SBK1: variants seen among roughly 807,000 people sequenced by gnomAD.
SBK1 encodes the protein serine/threonine-protein kinase SBK1.
SBK1 carries 11 observed loss-of-function variants against 24.4 expected under a neutral mutation model. The ratio of observed to expected loss-of-function variants is 0.45; its 90% CI spans 0.28 to 0.75. SBK1 has a LOEUF of 0.75. Ranked by LOEUF, SBK1 falls within the 30% of genes least tolerant of loss-of-function variation. The pLI is 0.12. For missense variants in SBK1, 467 were observed against 620.5 expected (o/e 0.75, Z 2.63); for synonymous variants, 308 against 284.4 (o/e 1.08, Z -0.83).
At chr16:28,285,277 C>T (rs533661990) in intron 1 of SBK1, 12 of 152,146 alleles carry the variant, frequency 7.9e-5, no homozygotes, top group African/African-American at 2.2e-4. Context: ...AAGATAGGGC[C>T]GGGCTTGGTA....
rs1269430411 is a variant in SBK1 at position 28,259,949 on chromosome 16, T to C, written c.257+447T>C. On this transcript the variant is annotated intron_variant, in intron 1 of 3. Transcript: ENST00000671413. This position sits in a 1 kb window ranked among gnomAD's most constrained non-coding sequence, Gnocchi z 6.0. The stretch of plus-strand genomic sequence containing the variant: ...CAGGCCCAGCTGCAACGCTTCCTCC[T>C]TCAGGAAGCCCTCCTGGATGTCCCT... Among the ~76,000 whole-genome samples, 1 of 152,128 alleles carries C rather than the reference T, an allele frequency of 6.6e-6. No individual in the cohort carries two copies. The highest frequency in any genetic ancestry group is 1.5e-5 in the Non-Finnish European group (1 of 68,018).
At chr16:28,267,327 T>C (rs1026295830) in intron 1 of SBK1, among the ~76,000 whole-genome samples, 2 of 152,238 alleles carry the variant, frequency 1.3e-5, no homozygotes, top group Non-Finnish European at 2.9e-5. Flanking sequence ...CCCAAAGTGT[T>C]GGGATTACAG....
intron 1 of SBK1, among the ~76,000 whole-genome samples, chr16:28,284,547 C>T (rs1333454597): frequency 6.6e-6 from 1 of 152,226 alleles, no homozygotes; most frequent in African/African-American, 2.4e-5. Flanking sequence ...GTCAGGGTGG[C>T]GGGGCCCAGG....
At position 28,292,804 on chromosome 16, in the gene SBK1, C is replaced by A; in HGVS notation, c.-504C>A. The A allele has an allele frequency of 1.0e-6, 1 of 985,424 alleles. No homozygotes were observed. Among genetic ancestry groups the A allele is most frequent in the Non-Finnish European group, 1.2e-6 (1 of 829,900 alleles). The allele number at this position is 985,424 out of a possible 1,614,324, so 61.0% of individuals were successfully genotyped here. A position where few individuals can be genotyped will look rare whatever the true frequency, so the allele number is the denominator to read the frequency against. ...AGCCTCGGGGAAGAGGGGGGGCCCT[C>A]CCGGATCCGACACCGAGCGACTCCC... is the stretch of plus-strand genomic sequence containing the variant. On this transcript the variant is annotated 5_prime_UTR_variant, in exon 1 of 4. Coordinates refer to ENST00000341901, the MANE Select transcript of SBK1 (RefSeq NM_001024401.3).
chr16:28,313,293 TA>T (rs904670579), intron 1 of SBK1, among the ~76,000 whole-genome samples: 3 of 151,220 alleles, frequency 2.0e-5, no homozygotes, highest in East Asian at 3.9e-4. Flanking sequence ...AGACCCTGTT[TA>T]AAAAAAATTT....
At chr16:28,272,193 C>T (rs1456112784) in intron 1 of SBK1, among the ~76,000 whole-genome samples, 1 of 152,130 alleles carries the variant, frequency 6.6e-6, no homozygotes, top group Non-Finnish European at 1.5e-5. Context: ...CCTCAGCCTC[C>T]AGAGTAGCTG....
intron 1 of SBK1, among the ~76,000 whole-genome samples, chr16:28,314,073 G>A (rs2044773716): frequency 6.6e-6 from 1 of 151,674 alleles, no homozygotes; most frequent in Non-Finnish European, 1.5e-5. Flanking sequence ...AGGGCTTCAC[G>A]CCTGTTAACT....
chr16:28,320,551 G>T lies in SBK1; in HGVS notation c.905G>T (p.Arg302Leu). The change falls in exon 4 of 4, where the codon CGC (arginine) becomes CTC (leucine). Residue 302 changes from arginine (R) to leucine (L), a missense_variant. Around this residue, in one of 4 missense-constraint regions of SBK1, gnomAD observed 86 missense variants for 121.7 expected, o/e 0.71. Coordinates refer to ENST00000341901, the MANE Select transcript of SBK1 (RefSeq NM_001024401.3). This position sits in a 1 kb window ranked among gnomAD's most constrained non-coding sequence, Gnocchi z 8.5. ...FQRLLALEPE[R>L]RGPAKEVFRF... is the part of the protein sequence containing the mutation. ...CGCTTACTGGCCCTGGAGCCCGAGC[G>T]CCGCGGCCCAGCCAAGGAGGTGTTC... 1 of 1,553,118 alleles carries T rather than the reference G, an allele frequency of 6.4e-7. No homozygotes were observed.
intron 1 of SBK1, among the ~76,000 whole-genome samples, chr16:28,274,567 G>A (rs1054116348): frequency 2.6e-5 from 4 of 152,092 alleles, no homozygotes; most frequent in East Asian, 3.9e-4. Context: ...CAGGAGAATC[G>A]CTTGAACCCA....
In SBK1 at chr16:28,305,473, A is replaced by G. The variant is rs568285491; in HGVS notation, c.-7-11912A>G. Among the ~76,000 whole-genome samples the G allele has an allele frequency of 1.4e-3, 214 of 151,536 alleles. 3 individuals carry two copies. The highest frequency in any genetic ancestry group is 4.2e-3 in the African/African-American group (175 of 41,286). ...GTGATCCGCCTGCCTCGGCCTCCCAAAGTGCTGGGATTACAGGTGTGAGCC... is the reference window on the plus strand; with the variant it reads ...GTGATCCGCCTGCCTCGGCCTCCCAGAGTGCTGGGATTACAGGTGTGAGCC... On this transcript the variant is annotated intron_variant, in intron 1 of 3. Transcript: ENST00000341901.
chr16:28,282,057 C>T (rs2044536198), intron 1 of SBK1, among the ~76,000 whole-genome samples: 1 of 152,126 alleles, frequency 6.6e-6, no homozygotes, highest in Non-Finnish European at 1.5e-5. Flanking sequence ...AAGACCCTAG[C>T]CTTGTGAAAG....
chr16:28,296,252 C>T (rs2044639761), intron 1 of SBK1, among the ~76,000 whole-genome samples: 1 of 151,964 alleles, frequency 6.6e-6, no homozygotes, highest in South Asian at 2.1e-4. Flanking sequence ...CGCCACCATG[C>T]CTGGCTAATT....
chr16:28,316,812 G>A (rs1490752549), intron 1 of SBK1, among the ~76,000 whole-genome samples: 1 of 152,140 alleles, frequency 6.6e-6, no homozygotes, highest in East Asian at 1.9e-4. Context: ...CTGGGAGGTC[G>A]AGGCTGCAGT....
At chr16:28,315,138 T>G (rs1481916951) in intron 1 of SBK1, among the ~76,000 whole-genome samples, 1 of 151,818 alleles carries the variant, frequency 6.6e-6, no homozygotes, top group African/African-American at 2.4e-5. Context: ...CATGTGTGCC[T>G]GCGCCTGGGA....
chr16:28,279,013 G>A (rs1340696083), intron 1 of SBK1, among the ~76,000 whole-genome samples: 1 of 151,872 alleles, frequency 6.6e-6, no homozygotes, highest in Non-Finnish European at 1.5e-5. Flanking sequence ...ATCACTTGAG[G>A]TCAGGAGTTC....
At chr16:28,270,106 C>T (rs930551515) in intron 1 of SBK1, among the ~76,000 whole-genome samples, 9 of 151,874 alleles carry the variant, frequency 5.9e-5, no homozygotes, top group East Asian at 1.9e-4. Flanking sequence ...TGTGCTCTGT[C>T]GCCAGGCTGG....
chr16:28,301,375 A>G (rs1448008533), intron 1 of SBK1, among the ~76,000 whole-genome samples: 1 of 152,172 alleles, frequency 6.6e-6, no homozygotes, highest in African/African-American at 2.4e-5. Context: ...AATAGCCACC[A>G]AAGATGTGCC....
chr16:28,290,844 T>C (rs1317780686), upstream of SBK1: 1 of 152,234 alleles, frequency 6.6e-6, no homozygotes, highest in Non-Finnish European at 1.5e-5. Context: ...GGGGGCCAGA[T>C]TTGTCTGCAA....
At chr16:28,305,945 G>A (rs2044713719) in intron 1 of SBK1, among the ~76,000 whole-genome samples, 1 of 152,162 alleles carries the variant, frequency 6.6e-6, no homozygotes, top group Non-Finnish European at 1.5e-5. Flanking sequence ...ATGGGCATGT[G>A]GTGTTTTCTG....
Sources: gnomAD v4.1 joint callset for allele counts (sites outside exome capture counted in the v4.1 genomes callset) on GRCh38, gnomAD v4.1.1 for gene constraint, gnomAD v4.1.1 regional missense constraint, Gnocchi (gnomAD v3.1) non-coding constraint, MANE v1.5 for transcripts, NCBI Gene and HGNC (gene_info 2026-07-23, HGNC 2026-07-21) for gene names.